The following BLTP1 variants were observed in gnomAD, a reference collection of about 807,000 sequenced individuals.
BLTP1 encodes bridge-like lipid transfer protein family member 1.
chr4:122,349,224 C>G, the BLTP1 span: 1 of 1,613,224 alleles, frequency 6.2e-7, no homozygotes, highest in Non-Finnish European at 8.5e-7. The surrounding 1 kb of genome is among the most constrained non-coding windows in gnomAD (Gnocchi z 4.5). Context: ...ATCGAGAGAT[C>G]AGCATGTCTG....
chr4:122,152,564 G>A, the BLTP1 span: 8 of 985,724 alleles, frequency 8.1e-6, no homozygotes, highest in Non-Finnish European at 9.6e-6. Flanking sequence ...GGGATTTCGG[G>A]CTGCCTCGGC....
At chr4:122,249,128 G>C in the BLTP1 span, 2 of 820,014 alleles carry the variant, frequency 2.4e-6, no homozygotes, top group Non-Finnish European at 2.9e-6. Flanking sequence ...TTTTCCTAAG[G>C]CTTGGTAATT....
At chr4:122,308,058 A>G in the BLTP1 span, 1 of 1,613,500 alleles carries the variant, frequency 6.2e-7, no homozygotes, top group Non-Finnish European at 8.5e-7. Flanking sequence ...TAGATATGCT[A>G]CCTGGTATCC....
At chr4:122,221,962 T>G in the BLTP1 span, 1 of 905,364 alleles carries the variant, frequency 1.1e-6, no homozygotes, top group Non-Finnish European at 1.3e-6. Flanking sequence ...TTATGAATGT[T>G]CACATTAATT....
chr4:122,223,197 A>T, the BLTP1 span: 29 of 958,748 alleles, frequency 3.0e-5, no homozygotes, highest in South Asian at 1.3e-3. Context: ...TCACAATTTG[A>T]ATTTTTTTAA....
the BLTP1 span, chr4:122,359,728 T>C: frequency 6.2e-7 from 1 of 1,603,854 alleles, no homozygotes; most frequent in Non-Finnish European, 8.5e-7. Context: ...CTTAGGTAAG[T>C]AATGAGTATA....
chr4:122,214,556 C>T, the BLTP1 span: 1 of 945,410 alleles, frequency 1.1e-6, no homozygotes, highest in Non-Finnish European at 1.3e-6. Context: ...TAATGTATTA[C>T]CATCTACCTT....
chr4:122,340,029 A>C, the BLTP1 span, among the ~76,000 whole-genome samples: 2 of 152,136 alleles, frequency 1.3e-5, no homozygotes, highest in Non-Finnish European at 2.9e-5. Context: ...CAAATGGTAA[A>C]AATTTTATTG....
chr4:122,205,817 C>CACACG, the BLTP1 span: 1 of 219,142 alleles, frequency 4.6e-6, no homozygotes, highest in Non-Finnish European at 7.6e-6. Context: ...CACACACACA[C>CACACG]GTTCTAATTT....
the BLTP1 span, chr4:122,162,708 A>C: frequency 5.2e-6 from 5 of 959,166 alleles, no homozygotes; most frequent in Admixed American, 2.6e-4. Context: ...GGGACAGTAG[A>C]AGGTAATGGG....
chr4:122,248,083 C>T, the BLTP1 span: 1 of 985,024 alleles, frequency 1.0e-6, no homozygotes, highest in Non-Finnish European at 1.2e-6. Flanking sequence ...TTCCTGTCTG[C>T]ATTCTGGGTC....
chr4:122,205,773 TTC>T, the BLTP1 span: 1 of 117,972 alleles, frequency 8.5e-6, no homozygotes, highest in Non-Finnish European at 1.7e-5. Context: ...CTCTCTCTCT[TTC>T]TCTGTCACAT....
the BLTP1 span, chr4:122,286,425 C>T: frequency 1.3e-6 from 2 of 1,495,510 alleles, no homozygotes; most frequent in South Asian, 1.4e-5. Flanking sequence ...TCATATATTT[C>T]AAGATAGGTT....
At chr4:122,289,032 A>G in the BLTP1 span, 1 of 1,550,542 alleles carries the variant, frequency 6.4e-7, no homozygotes, top group African/African-American at 1.4e-5. Flanking sequence ...TTATGTAAGA[A>G]AAAAGTGTAA....
the BLTP1 span, among the ~76,000 whole-genome samples, chr4:122,161,596 A>T: frequency 6.6e-6 from 1 of 151,742 alleles, no homozygotes; most frequent in Non-Finnish European, 1.5e-5. Flanking sequence ...ACACCCAGCT[A>T]ATTTTTGTAT....
chr4:122,215,628 G>A, the BLTP1 span: 3 of 925,684 alleles, frequency 3.2e-6, no homozygotes, highest in East Asian at 1.2e-4. Context: ...GGTGGAATGT[G>A]TATTTCATAA....
chr4:122,313,702 A>C, the BLTP1 span: 1 of 1,419,592 alleles, frequency 7.0e-7, no homozygotes, highest in Non-Finnish European at 9.8e-7. Context: ...GTTCACATGC[A>C]GCATTATTTT....
chr4:122,278,330 C>T, the BLTP1 span, among the ~76,000 whole-genome samples: 1 of 152,016 alleles, frequency 6.6e-6, no homozygotes, highest in Non-Finnish European at 1.5e-5. Context: ...AAATGCGCAC[C>T]CTTTAATTTT....
the BLTP1 span, among the ~76,000 whole-genome samples, chr4:122,216,427 A>G: frequency 4.4e-4 from 67 of 152,104 alleles, no homozygotes; most frequent in African/African-American, 1.6e-3. Flanking sequence ...ACCAACATCT[A>G]TTATTTTTAA....
Sources: gnomAD v4.1 joint callset for allele counts (sites outside exome capture counted in the v4.1 genomes callset) on GRCh38, gnomAD v4.1.1 for gene constraint, Gnocchi (gnomAD v3.1) non-coding constraint, MANE v1.5 for transcripts, NCBI Gene and HGNC (gene_info 2026-07-23, HGNC 2026-07-21) for gene names.